COL12A1: variants seen among roughly 807,000 people sequenced by gnomAD.
COL12A1 encodes the protein collagen type XII alpha 1 chain.
In COL12A1, 114 loss-of-function variants were observed where a neutral mutation model predicts 349.7. The observed-to-expected ratio is 0.33, with a 90% CI of 0.28 to 0.38. The LOEUF is 0.38. Among genes scored for constraint, COL12A1 ranks in the 10% least tolerant of loss-of-function variants. The probability of loss-of-function intolerance (pLI) is 1.00; values close to 1 mark genes in which losing one functional copy is unlikely to be tolerated. For synonymous variants in COL12A1, 1,369 were observed against 1,329.0 expected, an observed-to-expected ratio of 1.03 and a Z score of -0.66; for missense variants, 3,284 against 3,756.9, an observed-to-expected ratio of 0.87 and a Z score of 3.29.
intron 46 of COL12A1, 166 bp from the exon 47 acceptor site, chr6:75,117,712 A>C: frequency 5.0e-6 from 3 of 595,426 alleles, no homozygotes; most frequent in Non-Finnish European, 8.3e-6. Flanking sequence ...TACTTTTTCC[A>C]GGTCTTTCTA....
chr6:75,116,212 G>C (rs756754930), intron 47 of COL12A1, among the ~76,000 whole-genome samples, 155 bp from the exon 48 acceptor site: 16 of 152,066 alleles, frequency 1.1e-4, no homozygotes, highest in Non-Finnish European at 1.9e-4. Flanking sequence ...ATTATTTCTT[G>C]TACATTTCCT....
At chr6:75,140,655 CAAAAAA>C (rs1236499281) in intron 27 of COL12A1, among the ~76,000 whole-genome samples, 1 of 46,132 alleles carries the variant, frequency 2.2e-5, no homozygotes, top group African/African-American at 9.0e-5. Context: ...GACTCTGTCT[CAAAAAA>C]AAAAAAAAAA....
chr6:75,116,395 C>G (rs909500481), intron 47 of COL12A1, among the ~76,000 whole-genome samples: 1 of 152,120 alleles, frequency 6.6e-6, no homozygotes, highest in Non-Finnish European at 1.5e-5. Context: ...TAGATTTCTG[C>G]AAAGGTAGGA....
chr6:75,102,839 C>A, intron 55 of COL12A1, 147 bp from the exon 56 acceptor site: 1 of 437,496 alleles, frequency 2.3e-6, no homozygotes, highest in East Asian at 3.6e-5. Context: ...TGAATATATT[C>A]ATTAATGTAA....
chr6:75,093,603 G>C (rs116024788), intron 60 of COL12A1, among the ~76,000 whole-genome samples: 1 of 152,154 alleles, frequency 6.6e-6, no homozygotes, highest in Non-Finnish European at 1.5e-5. Flanking sequence ...TATAATTATC[G>C]TAAGAAAAAC....
intron 33 of COL12A1, 63 bp from the exon 34 acceptor site, chr6:75,133,485 AAATAACAC>A (rs1343225651): frequency 1.2e-4 from 183 of 1,507,562 alleles, no homozygotes; most frequent in Non-Finnish European, 1.7e-5. Flanking sequence ...ATAATAATTC[AAATAACAC>A]AATACCAACT....
Position 75,126,362 on chromosome 6 carries a change from T to C in COL12A1, c.6449A>G (p.Tyr2150Cys), listed in dbSNP as rs1469571574. 1 of 1,610,104 alleles carries C rather than the reference T, an allele frequency of 6.2e-7. No homozygotes were observed. Among genetic ancestry groups the C allele is most frequent in the South Asian group, 1.1e-5 (1 of 90,948 alleles). The change falls in exon 39 of 66, where the codon TAT becomes TGT. Residue 2150 changes from tyrosine (Y) to cysteine (C), a missense_variant. Around this residue, in one of 2 missense-constraint regions of COL12A1, gnomAD observed 2,601 missense variants for 2,824.8 expected, o/e 0.92. Coordinates refer to ENST00000322507, the MANE Select transcript of COL12A1 (RefSeq NM_004370.6). ...AGGCACTTCCTTACCCACTGGCTTA[T>C]ATACTATTTTATATCCAAGAACTGG... ...PSPVLGYKIV[Y>C]KPVGSNEPME...
Position 75,125,173 on chromosome 6 carries a change from T to A in COL12A1, c.6561A>T (p.Gln2187His). 1 of 1,612,610 alleles carries A rather than the reference T, an allele frequency of 6.2e-7. No homozygotes were observed. The highest frequency in any genetic ancestry group is 1.1e-5 in the South Asian group (1 of 90,822). Reference protein sequence around the residue: ...STTYDVNVYAQYDSGLSVPLT... With the variant: ...STTYDVNVYAHYDSGLSVPLT... ...AGGGGACACTGAGTCCAGAATCATATTGAGCATAAACATTCACATCGTAGG... is the reference window on the plus strand; with the variant it reads ...AGGGGACACTGAGTCCAGAATCATAATGAGCATAAACATTCACATCGTAGG... The change falls in exon 40 of 66, where the codon CAA becomes CAT. Residue 2187 changes from glutamine (Q) to histidine (H), a missense_variant. This residue lies in a region of COL12A1 where 2,601 missense variants were observed against 2,824.8 expected (regional missense o/e 0.92). Coordinates refer to ENST00000322507, the MANE Select transcript of COL12A1 (RefSeq NM_004370.6).
rs555390889 is a variant in COL12A1, at chr6:75,144,387, T to G, written c.4690+939A>C. ...TTGTTTGTTGTCAATTAATTTACAC[T>G]AACCCATCCTGTAGGGGATCTTTCT... is the stretch of plus-strand genomic sequence containing the variant. On this transcript the variant is annotated intron_variant, in intron 25 of 65. Coordinates refer to ENST00000322507, the MANE Select transcript of COL12A1 (RefSeq NM_004370.6). Among the ~76,000 whole-genome samples the G allele has an allele frequency of 5.2e-4, 79 of 152,294 alleles. 2 individuals carry two copies. The South Asian group carries it at 0.016, about 30-fold the overall frequency.
In COL12A1 at chr6:75,115,899, T is replaced by G. The variant is rs754177385; in HGVS notation, c.7582A>C (p.Asn2528His). ...GAAGCAAAATTCTTTTCTGTCAGGTTGTATGCTTCAAGCATTTTAAAACCT... is the reference window on the plus strand; with the variant it reads ...GAAGCAAAATTCTTTTCTGTCAGGTGGTATGCTTCAAGCATTTTAAAACCT... ...SPGFKMLEAY[N>H]LTEKNFASVQ... The change falls in exon 49 of 66, where the codon AAC becomes CAC. Residue 2528 changes from asparagine to histidine, a missense_variant. Physicochemically the swap from Asn to His is moderately conservative, Grantham distance 68. This residue lies in a region of COL12A1 where 683 missense variants were observed against 932.1 expected (regional missense o/e 0.73). Transcript: ENST00000322507. The G allele has an allele frequency of 1.2e-6, 2 of 1,613,372 alleles. No homozygotes were observed. The highest frequency in any genetic ancestry group is 1.7e-6 in the Non-Finnish European group (2 of 1,179,616).
rs867032927 is a variant in COL12A1, at chr6:75,087,559, A to G, written c.9181+18T>C. 1.2e-6 allele frequency: 2 copies of G among 1,612,898 alleles called. No homozygotes were observed. The highest frequency in any genetic ancestry group is 2.7e-5 in the African/African-American group (2 of 74,856). On this transcript the variant is annotated intron_variant, in intron 65 of 65. Coordinates refer to ENST00000322507, the MANE Select transcript of COL12A1 (RefSeq NM_004370.6). The stretch of plus-strand genomic sequence containing the variant: ...TTACTTCAGGTGAGTTGGGGTTCCT[A>G]CAATGGCAACAACGTACCTGGATAG...
intron 54 of COL12A1, among the ~76,000 whole-genome samples, chr6:75,104,307 T>A (rs2149346261): frequency 6.6e-6 from 1 of 152,234 alleles, no homozygotes; most frequent in Non-Finnish European, 1.5e-5. Flanking sequence ...CTCAAAAACA[T>A]CTAAGTCACA....
intron 16 of COL12A1, 91 bp downstream of exon 16, chr6:75,155,571 T>C: frequency 8.0e-7 from 1 of 1,249,700 alleles, no homozygotes; most frequent in Non-Finnish European, 1.1e-6. Context: ...ATATAAGTGA[T>C]ATTTGTGTAA....
intron 20 of COL12A1, 30 bp from the exon 21 acceptor site, chr6:75,151,317 G>T: frequency 6.3e-7 from 1 of 1,588,470 alleles, no homozygotes; most frequent in Non-Finnish European, 8.6e-7. Flanking sequence ...CAAATTAAAA[G>T]CACTTCTCAG....
chr6:75,130,871 G>A lies in COL12A1; in HGVS notation c.6048C>T (p.Ser2016=), dbSNP rs369770672. ...ALYSDGEGNP[S]PAQGRTLPRS... is the part of the protein sequence containing the mutation. ...CCTCACGCGTTCGGCCCTGGGCAGG[G>A]CTGGGATTTCCCTCTCCATCCGAGT... Residue 2016 remains serine (S), a synonymous_variant, in exon 36 of 66, where the codon AGC becomes AGT. Transcript: ENST00000322507. 30 of 1,613,926 alleles carry A rather than the reference G, an allele frequency of 1.9e-5. No individual in the cohort carries two copies. In the African/African-American group the frequency reaches 3.6e-4, roughly 19 times the overall value.
At chr6:75,177,512 T>A (rs546567676) in intron 12 of COL12A1, 151 bp downstream of exon 12, 565 of 782,792 alleles carry the variant, frequency 7.2e-4, no homozygotes, top group African/African-American at 3.6e-3. Context: ...AAAAAAAAAA[T>A]TTTAACTTAA....
At chr6:75,151,505 A>G (rs1021695048) in intron 20 of COL12A1, among the ~76,000 whole-genome samples, 2 of 152,114 alleles carry the variant, frequency 1.3e-5, no homozygotes, top group Non-Finnish European at 2.9e-5. Flanking sequence ...GCTTCTTCTA[A>G]ATGTATATAG....
At chr6:75,194,804 T>C (rs752418253) in intron 3 of COL12A1, 27 bp downstream of exon 3, 51 of 1,400,022 alleles carry the variant, frequency 3.6e-5, no homozygotes, top group Non-Finnish European at 5.0e-5. Context: ...GATGCTTCTG[T>C]CCTAAAACCC....
intron 11 of COL12A1, among the ~76,000 whole-genome samples, chr6:75,179,311 T>C (rs1240927410): frequency 3.9e-5 from 6 of 152,140 alleles, no homozygotes; most frequent in African/African-American, 1.4e-4. Flanking sequence ...TCAAAAACCC[T>C]GAGACAAGTC....
Sources: gnomAD v4.1 joint callset for allele counts (sites outside exome capture counted in the v4.1 genomes callset) on GRCh38, gnomAD v4.1.1 for gene constraint, gnomAD v4.1.1 regional missense constraint, MANE v1.5 for transcripts, NCBI Gene and HGNC (gene_info 2026-07-23, HGNC 2026-07-21) for gene names.